TMEM167A: variants seen among roughly 807,000 people sequenced by gnomAD.
The protein encoded by TMEM167A is transmembrane protein 167A, also known as protein kish-A.
A neutral mutation model predicts 11.6 loss-of-function variants in TMEM167A; 8 were observed. That is an observed-to-expected ratio of 0.69 (90% confidence interval 0.40 to 1.24). TMEM167A has a LOEUF of 1.24. Ranked by LOEUF, TMEM167A falls within the 50% of genes most tolerant of loss-of-function variation. The pLI is 0.01. For missense variants in TMEM167A, 62 were observed against 87.0 expected, an observed-to-expected ratio of 0.71 and a Z score of 1.14; for synonymous variants, 22 against 28.0, an observed-to-expected ratio of 0.79 and a Z score of 0.67.
rs1480154925 is a variant in TMEM167A at position 83,056,620 on chromosome 5, A to T, written c.*464T>A. On this transcript the variant is annotated 3_prime_UTR_variant, in exon 4 of 4. Coordinates refer to ENST00000502346, the MANE Select transcript of TMEM167A (RefSeq NM_174909.5). The stretch of plus-strand genomic sequence containing the variant: ...TTAATGATCAAAATGGTGTGCCCAG[A>T]GGAAAAGCAAGCACTATTAAATATT... 5.5e-6 allele frequency: 1 copy of T among 182,598 alleles called. No individual in the cohort carries two copies. Among genetic ancestry groups the T allele is most frequent in the Non-Finnish European group, 1.1e-5 (1 of 88,672 alleles). 11.3% of individuals were successfully genotyped at this position (182,598 alleles called of 1,614,324 possible).
chr5:83,061,563 C>T (rs1372736434), intron 3 of TMEM167A, among the ~76,000 whole-genome samples: 1 of 152,062 alleles, frequency 6.6e-6, no homozygotes, highest in Non-Finnish European at 1.5e-5. Context: ...TGTGCATGCC[C>T]AGCTAACTTT....
At chr5:83,065,952 C>T (rs1210536873) in intron 1 of TMEM167A, among the ~76,000 whole-genome samples, 1 of 152,106 alleles carries the variant, frequency 6.6e-6, no homozygotes, top group African/African-American at 2.4e-5. Context: ...TTGAATCCAT[C>T]TGCCTCCCTT....
intron 1 of TMEM167A, among the ~76,000 whole-genome samples, chr5:83,068,790 A>T (rs1397328926): frequency 6.6e-6 from 1 of 152,216 alleles, no homozygotes; most frequent in African/African-American, 2.4e-5. Context: ...TTCCTAATGC[A>T]GTATCTAAAT....
Position 83,068,317 on chromosome 5 carries a change from G to A in TMEM167A, c.4-3200C>T, listed in dbSNP as rs76129267. On this transcript the variant is annotated intron_variant, in intron 1 of 3. Coordinates refer to ENST00000502346, the MANE Select transcript of TMEM167A (RefSeq NM_174909.5). ...TTTATGGCTAACAATAGCAATTACT[G>A]ATATTCACTGAGTACTTGTTTTATG... is the stretch of plus-strand genomic sequence containing the variant. Among the ~76,000 whole-genome samples the A allele has an allele frequency of 7.3e-3, 1,106 of 152,210 alleles. 12 individuals carry two copies. The highest frequency in any genetic ancestry group is 0.025 in the African/African-American group (1,035 of 41,526).
intron 1 of TMEM167A, among the ~76,000 whole-genome samples, chr5:83,076,841 G>A (rs926129103): frequency 6.6e-6 from 1 of 152,228 alleles, no homozygotes; most frequent in Non-Finnish European, 1.5e-5. Flanking sequence ...TCAAAGTTAA[G>A]AGAAGAAGGT....
chr5:83,061,071 G>C (rs909900007), intron 3 of TMEM167A, among the ~76,000 whole-genome samples: 14 of 152,112 alleles, frequency 9.2e-5, no homozygotes, highest in Non-Finnish European at 1.9e-4. Context: ...TTTTAGCTAA[G>C]ATCAAGTGTA....
rs575588035 is a variant in TMEM167A, at chr5:83,068,794, T to C, written c.4-3677A>G. 5.3e-5 allele frequency among the ~76,000 whole-genome samples: 8 copies of C among 152,316 alleles called. 2 individuals are homozygous for C. In the South Asian group the frequency reaches 1.7e-3, roughly 32 times the overall value. On this transcript the variant is annotated intron_variant, in intron 1 of 3. Transcript: ENST00000502346. ...GGTTTATCATTTTCCTAATGCAGTA[T>C]CTAAATTCATGACTTTGTAATGTGT...
At chr5:83,065,718 A>G (rs949603172) in intron 1 of TMEM167A, among the ~76,000 whole-genome samples, 1 of 152,194 alleles carries the variant, frequency 6.6e-6, no homozygotes, top group Admixed American at 6.5e-5. Flanking sequence ...TTGAAATCCA[A>G]AACACTCCTG....
At chr5:83,058,543 A>C (rs1302922813) in intron 3 of TMEM167A, among the ~76,000 whole-genome samples, 1 of 152,094 alleles carries the variant, frequency 6.6e-6, no homozygotes, top group Non-Finnish European at 1.5e-5. Context: ...GTCACCAAAC[A>C]AAACAAAAAC....
At chr5:83,067,249 C>A (rs369315715) in intron 1 of TMEM167A, among the ~76,000 whole-genome samples, 6 of 151,190 alleles carry the variant, frequency 4.0e-5, no homozygotes, top group African/African-American at 4.9e-5. Context: ...ATCTTAAAAA[C>A]AAAAAAATGG....
chr5:83,053,966 T>C lies in TMEM167A; in HGVS notation c.*3118A>G, dbSNP rs1390111966. On this transcript the variant is annotated 3_prime_UTR_variant, in exon 4 of 4. Coordinates refer to ENST00000502346, the MANE Select transcript of TMEM167A (RefSeq NM_174909.5). Reference sequence around the variant, plus strand: ...TATCTTCCTGTCTTCAGTGATGATATACTGAAAGAATGGTGTAGGAGTAGA... The same window carrying C: ...TATCTTCCTGTCTTCAGTGATGATACACTGAAAGAATGGTGTAGGAGTAGA... 2 of 152,076 alleles carry C rather than the reference T, an allele frequency of 1.3e-5. No individual in the cohort carries two copies. Among genetic ancestry groups the C allele is most frequent in the Non-Finnish European group, 2.9e-5 (2 of 67,944 alleles). 9.4% of individuals were successfully genotyped at this position (152,076 alleles called of 1,614,324 possible). A position where few individuals can be genotyped will look rare whatever the true frequency, so the allele number is the denominator to read the frequency against.
chr5:83,066,817 T>A (rs1744487995), intron 1 of TMEM167A, among the ~76,000 whole-genome samples: 1 of 152,018 alleles, frequency 6.6e-6, no homozygotes, highest in South Asian at 2.1e-4. Context: ...ATTAGTGAGA[T>A]CTCACAAGAC....
chr5:83,065,246 C>T (rs958422583), intron 1 of TMEM167A, 129 bp from the exon 2 acceptor site: 5 of 616,944 alleles, frequency 8.1e-6, no homozygotes, highest in African/African-American at 7.5e-5. Context: ...ACAAGTCTGG[C>T]AACACTTAAA....
intron 1 of TMEM167A, among the ~76,000 whole-genome samples, chr5:83,072,627 C>T (rs1744579593): frequency 6.6e-6 from 1 of 152,110 alleles, no homozygotes; most frequent in Non-Finnish European, 1.5e-5. Context: ...CCCTTGGGTT[C>T]AAGCAATTAT....
chr5:83,055,134 T>C lies in TMEM167A; in HGVS notation c.*1950A>G, dbSNP rs1336738562. The C allele has an allele frequency of 6.6e-6, 1 of 152,054 alleles. No individual in the cohort carries two copies. The highest frequency in any genetic ancestry group is 2.4e-5 in the African/African-American group (1 of 41,428). The allele number at this position is 152,054 out of a possible 1,614,324, so 9.4% of individuals were successfully genotyped here. ...CAAATATGCTGCCTCCCACTCTGTT[T>C]AGCATCTATACAAAGCAAAACGTTT... On this transcript the variant is annotated 3_prime_UTR_variant, in exon 4 of 4. Coordinates refer to ENST00000502346, the MANE Select transcript of TMEM167A (RefSeq NM_174909.5).
chr5:83,074,928 G>A (rs1372327307), intron 1 of TMEM167A, among the ~76,000 whole-genome samples: 2 of 152,028 alleles, frequency 1.3e-5, no homozygotes, highest in Non-Finnish European at 1.5e-5. Context: ...GTGCCACCAC[G>A]CCCGGCTAAT....
chr5:83,069,800 G>A (rs1334683889), intron 1 of TMEM167A, among the ~76,000 whole-genome samples: 1 of 152,130 alleles, frequency 6.6e-6, no homozygotes, highest in East Asian at 1.9e-4. Flanking sequence ...ACTGAAAAGT[G>A]TCAAATGAAC....
At position 83,054,334 on chromosome 5, in the gene TMEM167A, C is replaced by T. The variant is rs141902391; in HGVS notation, c.*2750G>A. ...TTTGATTGACCACCTTTTAAGATTG[C>T]TTGAAAAGACAACGCCCTTCCTATT... On this transcript the variant is annotated 3_prime_UTR_variant, in exon 4 of 4. Transcript: ENST00000502346. 3.0e-3 allele frequency: 460 copies of T among 152,026 alleles called. 3 individuals carry two copies. The highest frequency in any genetic ancestry group is 0.011 in the African/African-American group (444 of 41,488). The allele number at this position is 152,026 out of a possible 1,614,324, so 9.4% of individuals were successfully genotyped here. A position where few individuals can be genotyped will look rare whatever the true frequency, so the allele number is the denominator to read the frequency against.
intron 2 of TMEM167A, chr5:83,064,290 A>G (rs374296490): frequency 3.1e-5 from 16 of 518,722 alleles, no homozygotes; most frequent in Non-Finnish European, 5.4e-5. Flanking sequence ...CATGTTATGA[A>G]CATATTCCTG....
Sources: allele counts gnomAD v4.1 joint callset (sites outside exome capture counted in the v4.1 genomes callset), GRCh38; gene constraint gnomAD v4.1.1; transcripts MANE v1.5; gene names NCBI Gene and HGNC (gene_info 2026-07-23, HGNC 2026-07-21).